ELP3: variants seen among roughly 807,000 people sequenced by gnomAD.
ELP3 encodes the protein elongator complex protein 3.
A neutral mutation model predicts 74.9 loss-of-function variants in ELP3; 56 were observed. That is an observed-to-expected ratio of 0.75 (90% confidence interval 0.60 to 0.93). The LOEUF (loss-of-function observed/expected upper bound fraction) is 0.93, where lower values mean the gene tolerates loss of function less well. Among genes scored for constraint, ELP3 ranks in the 40% least tolerant of loss-of-function variants. The pLI, the probability that ELP3 is intolerant of heterozygous loss-of-function variation, is 0.00. For missense variants in ELP3, 573 were observed against 686.5 expected (o/e 0.83, Z 1.85); for synonymous variants, 222 against 239.8 (o/e 0.93, Z 0.68).
chr8:28,138,123 A>G (rs1263466178), intron 10 of ELP3, among the ~76,000 whole-genome samples: 1 of 152,224 alleles, frequency 6.6e-6, no homozygotes, highest in East Asian at 1.9e-4. Flanking sequence ...AGACAGAGCC[A>G]TGACGGTCAA....
chr8:28,130,933 A>C (rs573039116), intron 8 of ELP3, among the ~76,000 whole-genome samples: 1 of 152,236 alleles, frequency 6.6e-6, no homozygotes, highest in Admixed American at 6.5e-5. Flanking sequence ...GAGTCAGCCC[A>C]GGGAGGCTGG....
chr8:28,128,143 G>A (rs749826802), intron 7 of ELP3, among the ~76,000 whole-genome samples: 45 of 152,072 alleles, frequency 3.0e-4, no homozygotes, highest in Non-Finnish European at 6.0e-4. Context: ...GAACATTGTA[G>A]AAGGGTGCAC....
intron 14 of ELP3, among the ~76,000 whole-genome samples, chr8:28,166,142 G>T (rs10106658): frequency 0.56 from 85,059 of 151,966 alleles, 24,903 homozygotes; most frequent in East Asian, 0.91. Flanking sequence ...GAAATGAAGA[G>T]ACATATGAAA....
In ELP3 at chr8:28,189,834, A is replaced by G. The variant is rs891150297; in HGVS notation, c.*109A>G. ...CTGAGCAGAGCAAATGGGGGGCTTC[A>G]CCCTCATCCCGCAGCTGCAGAGACT... On this transcript the variant is annotated 3_prime_UTR_variant, in exon 15 of 15. Coordinates refer to ENST00000256398, the MANE Select transcript of ELP3 (RefSeq NM_018091.6). 4 of 1,188,794 alleles carry G rather than the reference A, an allele frequency of 3.4e-6. No individual in the cohort carries two copies. Among genetic ancestry groups the G allele is most frequent in the Non-Finnish European group, 4.9e-6 (4 of 818,998 alleles). The allele number at this position is 1,188,794 out of a possible 1,614,324, so 73.6% of individuals were successfully genotyped here.
At chr8:28,139,448 A>G (rs1357342432) in intron 10 of ELP3, among the ~76,000 whole-genome samples, 2 of 152,172 alleles carry the variant, frequency 1.3e-5, no homozygotes, top group East Asian at 3.9e-4. Context: ...AATGTAATGA[A>G]TAACAACACA....
chr8:28,115,127 CAG>C (rs1345319344), intron 7 of ELP3, among the ~76,000 whole-genome samples: 1 of 152,064 alleles, frequency 6.6e-6, no homozygotes. Flanking sequence ...GAGAAAATCT[CAG>C]AGGGAGAAAA....
intron 14 of ELP3, among the ~76,000 whole-genome samples, chr8:28,166,710 G>A (rs1337809621): frequency 2.6e-5 from 4 of 152,192 alleles, no homozygotes; most frequent in Admixed American, 1.3e-4. Flanking sequence ...CCGTGGAAAC[G>A]GAGATCTCTG....
chr8:28,148,913 A>T (rs981385532), intron 10 of ELP3, among the ~76,000 whole-genome samples: 1 of 152,202 alleles, frequency 6.6e-6, no homozygotes, highest in African/African-American at 2.4e-5. Flanking sequence ...AATCCATACC[A>T]TCAGGAGGTG....
In ELP3 at chr8:28,163,503, T is replaced by C. The variant is rs139071811; in HGVS notation, c.1567+1425T>C. On this transcript the variant is annotated intron_variant, in intron 14 of 14. Transcript: ENST00000256398. Reference sequence around the variant, plus strand: ...TTAGTGTGGTTGAGGTTTTTGGCATTATCCAGACAGATTCCTAAAGCTTTT... The same window carrying C: ...TTAGTGTGGTTGAGGTTTTTGGCATCATCCAGACAGATTCCTAAAGCTTTT... 4.3e-3 allele frequency among the ~76,000 whole-genome samples: 645 copies of C among 151,086 alleles called. 3 individuals carry two copies. The highest frequency in any genetic ancestry group is 0.015 in the African/African-American group (599 of 41,080).
chr8:28,161,751 G>A (rs1814100893), intron 13 of ELP3, among the ~76,000 whole-genome samples: 2 of 152,074 alleles, frequency 1.3e-5, no homozygotes, highest in Non-Finnish European at 2.9e-5. Flanking sequence ...CCTGTGAATA[G>A]ATTACATCAT....
At chr8:28,142,702 G>C (rs1016275177) in intron 10 of ELP3, among the ~76,000 whole-genome samples, 4 of 152,150 alleles carry the variant, frequency 2.6e-5, no homozygotes, top group Admixed American at 2.0e-4. Flanking sequence ...TTATGCTTTA[G>C]GATTGATAAT....
chr8:28,129,406 ATC>A, intron 7 of ELP3, 94 bp from the exon 8 acceptor site: 1 of 1,292,686 alleles, frequency 7.7e-7, no homozygotes, highest in South Asian at 1.3e-5. Context: ...CTTTACCACT[ATC>A]TCATACTAGG....
intron 9 of ELP3, among the ~76,000 whole-genome samples, chr8:28,137,006 C>T (rs1813016398): frequency 6.6e-6 from 1 of 152,166 alleles, no homozygotes. Flanking sequence ...GTCCAGATAA[C>T]AAATGGACAA....
At chr8:28,134,222 A>G (rs1473423299) in intron 9 of ELP3, among the ~76,000 whole-genome samples, 2 of 152,216 alleles carry the variant, frequency 1.3e-5, no homozygotes, top group African/African-American at 4.8e-5. Context: ...CAGAACTCAT[A>G]AAGTTTAAGT....
intron 14 of ELP3, chr8:28,183,279 C>CCTAA (rs1271968035): frequency 2.2e-6 from 1 of 454,852 alleles, no homozygotes; most frequent in African/African-American, 2.0e-5. Context: ...TCTTTTTTCA[C>CCTAA]CTAACTCATC....
chr8:28,104,283 C>T (rs1487101893), intron 3 of ELP3, among the ~76,000 whole-genome samples: 6 of 152,210 alleles, frequency 3.9e-5, no homozygotes. Flanking sequence ...GATATTTTCT[C>T]CTAGTCTGTG....
chr8:28,157,349 T>C (rs1008600094), intron 11 of ELP3, among the ~76,000 whole-genome samples: 16 of 145,046 alleles, frequency 1.1e-4, no homozygotes, highest in Non-Finnish European at 1.0e-4. Flanking sequence ...GGAACAGTAA[T>C]ACATTCCCAT....
intron 7 of ELP3, among the ~76,000 whole-genome samples, chr8:28,125,871 C>T (rs1812556852): frequency 1.3e-5 from 2 of 148,612 alleles, no homozygotes; most frequent in South Asian, 4.4e-4. Flanking sequence ...ACCTGGCCTA[C>T]TGCTAGGCAC....
intron 7 of ELP3, among the ~76,000 whole-genome samples, chr8:28,124,207 T>C (rs1260996764): frequency 1.3e-5 from 2 of 152,214 alleles, no homozygotes; most frequent in Non-Finnish European, 2.9e-5. Flanking sequence ...GGACTCCTTA[T>C]ATCTAGTACA....
Sources: allele counts gnomAD v4.1 joint callset (sites outside exome capture counted in the v4.1 genomes callset), GRCh38; gene constraint gnomAD v4.1.1; transcripts MANE v1.5; gene names NCBI Gene and HGNC (gene_info 2026-07-23, HGNC 2026-07-21).